SORL1-AS1: variants seen among roughly 807,000 people sequenced by gnomAD.
SORL1-AS1 encodes the protein SORL1 antisense RNA 1, also known as lncRNA 51 A.
chr11:121,443,401 G>A (rs1860687233), downstream of SORL1-AS1, among the ~76,000 whole-genome samples: 1 of 152,196 alleles, frequency 6.6e-6, no homozygotes, highest in South Asian at 2.1e-4. Flanking sequence ...ACAATGCCAT[G>A]TCAAACAGAC....
chr11:121,439,522 A>G, the SORL1-AS1 span, among the ~76,000 whole-genome samples: 767 of 152,080 alleles, frequency 5.0e-3, 6 homozygotes, highest in African/African-American at 0.018. Flanking sequence ...CAGACACCCA[A>G]GGGATTTGAA....
downstream of SORL1-AS1, among the ~76,000 whole-genome samples, chr11:121,443,269 T>C (rs900894749): frequency 5.9e-5 from 9 of 152,240 alleles, no homozygotes; most frequent in Admixed American, 4.6e-4. Flanking sequence ...GACTTTCTAG[T>C]GCTAGCTGAC....
In SORL1-AS1 at chr11:121,452,432, G is replaced by T; in HGVS notation, n.339+243C>A. ...GCTCTCTGCGAAGTCTGGACGCAGA[G>T]GCTGCACGGCGGCAGCGCGCCCTTG... On this transcript the variant is annotated intron_variant and non_coding_transcript_variant, in intron 1 of 1. Transcript: ENST00000501964. The surrounding 1 kb of genome is among the most constrained non-coding windows in gnomAD (Gnocchi z 5.3). The T allele has an allele frequency of 6.6e-7, 1 of 1,506,752 alleles. No individual in the cohort carries two copies. The allele number at this position is 1,506,752 out of a possible 1,614,324, so 93.3% of individuals were successfully genotyped here. A position where few individuals can be genotyped will look rare whatever the true frequency, so the allele number is the denominator to read the frequency against.
chr11:121,451,776 T>C (rs562917617), intron 1 of SORL1-AS1, among the ~76,000 whole-genome samples: 1 of 152,214 alleles, frequency 6.6e-6, no homozygotes, highest in South Asian at 2.1e-4. Flanking sequence ...GTTGGTTGCG[T>C]TCTAGGAGCT....
chr11:121,442,522 C>A (rs1023311285), downstream of SORL1-AS1, among the ~76,000 whole-genome samples: 1 of 151,638 alleles, frequency 6.6e-6, no homozygotes, highest in Non-Finnish European at 1.5e-5. Flanking sequence ...GTGGTCCCAG[C>A]TACTCAGGAG....
chr11:121,440,751 G>C, the SORL1-AS1 span, among the ~76,000 whole-genome samples: 1 of 152,190 alleles, frequency 6.6e-6, no homozygotes, highest in Non-Finnish European at 1.5e-5. Context: ...TCCCTTCTCA[G>C]TCTATTACCA....
exon 2 of SORL1-AS1, chr11:121,449,858 T>C (rs573646811): frequency 1.3e-5 from 2 of 152,244 alleles, no homozygotes; most frequent in South Asian, 4.1e-4. Context: ...CGTTCTGTAG[T>C]TGTGCAGCAG....
chr11:121,440,369 G>A, the SORL1-AS1 span, among the ~76,000 whole-genome samples: 1 of 152,190 alleles, frequency 6.6e-6, no homozygotes, highest in African/African-American at 2.4e-5. Context: ...GTGAGACCCT[G>A]TCTCTAAATA....
chr11:121,446,111 G>A (rs1860718834), downstream of SORL1-AS1, among the ~76,000 whole-genome samples: 1 of 152,144 alleles, frequency 6.6e-6, no homozygotes, highest in African/African-American at 2.4e-5. Context: ...GAGCGGGGGT[G>A]GGGGTAATTC....
chr11:121,442,132 T>C, the SORL1-AS1 span, among the ~76,000 whole-genome samples: 14 of 152,354 alleles, frequency 9.2e-5, no homozygotes, highest in South Asian at 2.9e-3. Context: ...GATTCTGCTA[T>C]ACAGGCAGAT....
At chr11:121,441,027 T>C in the SORL1-AS1 span, among the ~76,000 whole-genome samples, 3 of 152,204 alleles carry the variant, frequency 2.0e-5, no homozygotes, top group African/African-American at 7.2e-5. Flanking sequence ...GAAGTAACTA[T>C]TTACCAATGG....
At chr11:121,446,153 T>C (rs576158221), downstream of SORL1-AS1, among the ~76,000 whole-genome samples, 180 of 152,302 alleles carry the variant, frequency 1.2e-3, no homozygotes, top group African/African-American at 4.1e-3. Flanking sequence ...TTTACTTCAA[T>C]TCTGTAGGAT....
rs112078368 is a variant in SORL1-AS1 at position 121,450,653 on chromosome 11, G to A, written n.340-754C>T. 1.5e-4 allele frequency among the ~76,000 whole-genome samples: 23 copies of A among 152,208 alleles called. No individual in the cohort carries two copies. The highest frequency in any genetic ancestry group is 5.5e-4 in the African/African-American group (23 of 41,528). On this transcript the variant is annotated intron_variant and non_coding_transcript_variant, in intron 1 of 1. Transcript: ENST00000501964. This position sits in a 1 kb window ranked among gnomAD's most constrained non-coding sequence, Gnocchi z 5.2. ...CCCCAATAATACCACACTGGGGAAA[G>A]TGTGGTATTTTGATACCTGTATACA...
chr11:121,438,847 G>A, the SORL1-AS1 span, among the ~76,000 whole-genome samples: 3,089 of 152,164 alleles, frequency 0.02, 106 homozygotes, highest in African/African-American at 0.07. Flanking sequence ...CCAATATGGC[G>A]AAACCCCATC....
downstream of SORL1-AS1, among the ~76,000 whole-genome samples, chr11:121,443,146 T>C (rs969116054): frequency 1.3e-5 from 2 of 152,220 alleles, no homozygotes; most frequent in African/African-American, 4.8e-5. Context: ...CTAATACTTA[T>C]TAATCTAACT....
chr11:121,452,593 G>A lies in SORL1-AS1; in HGVS notation n.339+82C>T. ...GAAACGGAGCGCTGCCCTGCAGCCCGAGCCCATCAAGGTGTACGGACAGGT... is the reference window on the plus strand; with the variant it reads ...GAAACGGAGCGCTGCCCTGCAGCCCAAGCCCATCAAGGTGTACGGACAGGT... On this transcript the variant is annotated intron_variant and non_coding_transcript_variant, in intron 1 of 1. Coordinates refer to ENST00000501964, the Ensembl canonical transcript of SORL1-AS1. This position sits in a 1 kb window ranked among gnomAD's most constrained non-coding sequence, Gnocchi z 5.3. The A allele has an allele frequency of 5.3e-6, 8 of 1,521,850 alleles. No homozygotes were observed. Among genetic ancestry groups the A allele is most frequent in the Non-Finnish European group, 7.0e-6 (8 of 1,142,444 alleles). The allele number at this position is 1,521,850 out of a possible 1,614,324, so 94.3% of individuals were successfully genotyped here. A position where few individuals can be genotyped will look rare whatever the true frequency, so the allele number is the denominator to read the frequency against.
chr11:121,451,134 C>G (rs1033536373), intron 1 of SORL1-AS1, among the ~76,000 whole-genome samples: 2 of 152,128 alleles, frequency 1.3e-5, no homozygotes, highest in African/African-American at 4.8e-5. Context: ...TTCAGCCCTG[C>G]TTGCTGTGTC....
downstream of SORL1-AS1, among the ~76,000 whole-genome samples, chr11:121,445,481 C>T (rs900325556): frequency 1.3e-5 from 2 of 152,202 alleles, no homozygotes; most frequent in African/African-American, 2.4e-5. Context: ...CCCCACAGCT[C>T]TCCTTTGGTG....
the SORL1-AS1 span, among the ~76,000 whole-genome samples, chr11:121,441,923 T>G: frequency 2.6e-5 from 4 of 152,348 alleles, no homozygotes; most frequent in South Asian, 8.3e-4. Context: ...AAAACCCGTG[T>G]GCCACTACCC....
Sources: allele counts gnomAD v4.1 joint callset (sites outside exome capture counted in the v4.1 genomes callset), GRCh38; gene constraint gnomAD v4.1.1; non-coding constraint Gnocchi (gnomAD v3.1); transcripts MANE v1.5; gene names NCBI Gene and HGNC (gene_info 2026-07-23, HGNC 2026-07-21).